Variants in MINPP1 observed in about 807,000 individuals in gnomAD.
MINPP1 encodes the protein multiple inositol-polyphosphate phosphatase 1.
In MINPP1, 28 loss-of-function variants were observed where a neutral mutation model predicts 46.1. The observed-to-expected ratio is 0.61, with a 90% CI of 0.45 to 0.83. The LOEUF is 0.83. MINPP1 is among the 40% of genes least tolerant of loss of function. MINPP1 has a pLI of 0.00. For missense variants in MINPP1, 603 were observed against 610.0 expected (o/e 0.99, Z 0.12); for synonymous variants, 268 against 249.1 (o/e 1.08, Z -0.72).
rs139029491 is a variant in MINPP1 at position 87,513,894 on chromosome 10, ATTCTTTCAGGGGGCT to A, written c.933+676_933+690del. Among the ~76,000 whole-genome samples, 679 of 152,312 alleles carry A rather than the reference ATTCTTTCAGGGGGCT, an allele frequency of 4.5e-3. 9 individuals carry two copies. The highest frequency in any genetic ancestry group is 0.016 in the African/African-American group (656 of 41,568). On this transcript the variant is annotated intron_variant, in intron 3 of 4. Transcript: ENST00000371996. ...ATAGAGCCGTATACAATAGAGCCGTATTCTTTCAGGGGGCTTTAGGAGAACATCTGTACCCTGCTT... is the reference window on the plus strand; with the variant it reads ...ATAGAGCCGTATACAATAGAGCCGTATTAGGAGAACATCTGTACCCTGCTT...
rs530304990 is a variant in MINPP1 at position 87,529,419 on chromosome 10, T to G, written c.1067+8250T>G. Among the ~76,000 whole-genome samples the G allele has an allele frequency of 2.6e-5, 4 of 152,270 alleles. No individual in the cohort carries two copies. The South Asian group carries it at 6.2e-4, about 24-fold the overall frequency. On this transcript the variant is annotated intron_variant, in intron 4 of 4. Coordinates refer to ENST00000371996, the MANE Select transcript of MINPP1 (RefSeq NM_004897.5). Reference sequence around the variant, plus strand: ...GGCAGGCCTGGTGGTGACAAAATCTTTCAGCATTTGCTTGTCTGTAAAGGA... The same window carrying G: ...GGCAGGCCTGGTGGTGACAAAATCTGTCAGCATTTGCTTGTCTGTAAAGGA...
At chr10:87,510,806 A>G (rs903468548) in intron 2 of MINPP1, among the ~76,000 whole-genome samples, 30 of 152,328 alleles carry the variant, frequency 2.0e-4, no homozygotes, top group African/African-American at 6.5e-4. Flanking sequence ...ATGTTTTTTA[A>G]AGATAAATAG....
intron 3 of MINPP1, among the ~76,000 whole-genome samples, chr10:87,519,829 A>G (rs1425849537): frequency 2.6e-5 from 4 of 152,176 alleles, no homozygotes; most frequent in Non-Finnish European, 5.9e-5. Flanking sequence ...GGTTTTAGCT[A>G]CAGGTTTTAG....
At chr10:87,507,937 T>G (rs1323056298) in intron 1 of MINPP1, 1 of 1,291,830 alleles carries the variant, frequency 7.7e-7, no homozygotes, top group Non-Finnish European at 9.8e-7. Flanking sequence ...TGTTTAGACT[T>G]TGGCTTAGAG....
At position 87,516,203 on chromosome 10, in the gene MINPP1, G is replaced by T. The variant is rs1385895351; in HGVS notation, c.933+2982G>T. 1.9e-5 allele frequency among the ~76,000 whole-genome samples: 2 copies of T among 104,352 alleles called. 1 individual carries two copies. The highest frequency in any genetic ancestry group is 5.8e-5 in the African/African-American group (2 of 34,746). The allele number at this position is 104,352 out of a possible 152,430, so 68.5% of individuals were successfully genotyped here. A position where few individuals can be genotyped will look rare whatever the true frequency, so the allele number is the denominator to read the frequency against. ...GATAATTAGATATCCTGGACTTTGT[G>T]TACCTTCAGCAAGCATTTTTTGAGT... is the stretch of plus-strand genomic sequence containing the variant. On this transcript the variant is annotated intron_variant, in intron 3 of 4. Transcript: ENST00000371996.
At chr10:87,510,283 T>C (rs1213807131) in intron 2 of MINPP1, among the ~76,000 whole-genome samples, 1 of 152,248 alleles carries the variant, frequency 6.6e-6, no homozygotes, top group Non-Finnish European at 1.5e-5. Flanking sequence ...GGTGATGCTA[T>C]ATGTATTTTC....
intron 3 of MINPP1, among the ~76,000 whole-genome samples, chr10:87,518,239 G>A (rs1335393607): frequency 2.7e-5 from 4 of 150,722 alleles, no homozygotes; most frequent in East Asian, 3.9e-4. Context: ...GATTACAGGC[G>A]TGAGCCACCG....
intron 1 of MINPP1, among the ~76,000 whole-genome samples, chr10:87,507,551 A>G (rs1209164284): frequency 4.6e-5 from 7 of 152,100 alleles, no homozygotes; most frequent in African/African-American, 1.4e-4. Flanking sequence ...ATTTTCTCAT[A>G]TTTTATGTAC....
intron 2 of MINPP1, among the ~76,000 whole-genome samples, chr10:87,509,026 T>A (rs531144588): frequency 1.3e-5 from 2 of 152,186 alleles, no homozygotes; most frequent in African/African-American, 4.8e-5. Flanking sequence ...ATGTCTATCA[T>A]AAGTTATTGC....
chr10:87,522,664 T>C (rs1323106707), intron 4 of MINPP1, among the ~76,000 whole-genome samples: 1 of 152,216 alleles, frequency 6.6e-6, no homozygotes. Context: ...TTGTAATCTT[T>C]TTGCAGGTGA....
At chr10:87,511,097 A>G (rs1851327983) in intron 2 of MINPP1, among the ~76,000 whole-genome samples, 1 of 152,174 alleles carries the variant, frequency 6.6e-6, no homozygotes, top group Admixed American at 6.5e-5. Context: ...TTACCCCTTC[A>G]TAATTTTGTT....
chr10:87,506,175 C>T (rs760129411), intron 1 of MINPP1, among the ~76,000 whole-genome samples: 22 of 151,712 alleles, frequency 1.5e-4, no homozygotes, highest in Admixed American at 2.0e-4. Flanking sequence ...TAGCTGTGGT[C>T]CGTGGTCACA....
At chr10:87,550,906 C>T (rs910639401) in intron 4 of MINPP1, among the ~76,000 whole-genome samples, 2 of 152,048 alleles carry the variant, frequency 1.3e-5, no homozygotes, top group Non-Finnish European at 2.9e-5. Context: ...TTGCACTCAC[C>T]AAGTCCTGGA....
At chr10:87,548,096 G>C (rs1276593886) in intron 4 of MINPP1, among the ~76,000 whole-genome samples, 1 of 152,124 alleles carries the variant, frequency 6.6e-6, no homozygotes, top group African/African-American at 2.4e-5. Flanking sequence ...GTATCATAGA[G>C]TAAGCAATTA....
chr10:87,550,496 G>A (rs150040836), intron 4 of MINPP1, among the ~76,000 whole-genome samples: 1 of 152,264 alleles, frequency 6.6e-6, no homozygotes, highest in East Asian at 1.9e-4. Context: ...AACAGTTTCA[G>A]TGTACTTTTT....
chr10:87,518,414 G>A (rs375917401), intron 3 of MINPP1, among the ~76,000 whole-genome samples: 15 of 151,908 alleles, frequency 9.9e-5, no homozygotes, highest in Admixed American at 4.6e-4. Flanking sequence ...TAGTGTTTAC[G>A]TCTCTTTGTT....
Position 87,509,643 on chromosome 10 carries a change from A to T in MINPP1, c.835+1110A>T, listed in dbSNP as rs1173948950. 3.0e-5 allele frequency: 7 copies of T among 236,122 alleles called. No individual in the cohort carries two copies. The East Asian group carries it at 7.4e-4, about 25-fold the overall frequency. The allele number at this position is 236,122 out of a possible 1,614,324, so 14.6% of individuals were successfully genotyped here. A position where few individuals can be genotyped will look rare whatever the true frequency, so the allele number is the denominator to read the frequency against. On this transcript the variant is annotated intron_variant, in intron 2 of 4. Transcript: ENST00000371996. ...TCTTCTTCCTTTCTCACCAGTGGTA[A>T]TTGTTGTCATGAATTGAGCATTTAT...
intron 4 of MINPP1, among the ~76,000 whole-genome samples, chr10:87,550,279 G>A (rs745522663): frequency 1.2e-4 from 18 of 152,234 alleles, no homozygotes; most frequent in South Asian, 8.3e-4. Flanking sequence ...GAATGCTACC[G>A]CTTGGTAACT....
At chr10:87,525,547 C>CTTTTAAAAAAGTATA in intron 4 of MINPP1, among the ~76,000 whole-genome samples, 1 of 151,890 alleles carries the variant, frequency 6.6e-6, no homozygotes, top group East Asian at 1.9e-4. Context: ...TTCTTTTTTT[C>CTTTTAAAAAAGTATA]ACCTTTTTTA....
Sources: allele counts gnomAD v4.1 joint callset (sites outside exome capture counted in the v4.1 genomes callset), GRCh38; gene constraint gnomAD v4.1.1; transcripts MANE v1.5; gene names NCBI Gene and HGNC (gene_info 2026-07-23, HGNC 2026-07-21).